The following RBM26 variants were observed in gnomAD, a reference collection of about 807,000 sequenced individuals.
RBM26 encodes the protein RNA-binding protein 26.
In RBM26, 30 loss-of-function variants were observed where a neutral mutation model predicts 123.6. The observed-to-expected ratio is 0.24, with a 90% CI of 0.18 to 0.33. The LOEUF is 0.33. Ranked by LOEUF, RBM26 falls within the 10% of genes least tolerant of loss-of-function variation. RBM26 has a pLI of 1.00. For synonymous variants in RBM26, 400 were observed against 404.4 expected (o/e 0.99, Z 0.13); for missense variants, 947 against 1,203.6 (o/e 0.79, Z 3.15).
intron 17 of RBM26, among the ~76,000 whole-genome samples, chr13:79,341,626 G>A (rs190095082): frequency 6.6e-6 from 1 of 151,834 alleles, no homozygotes; most frequent in Non-Finnish European, 1.5e-5. Flanking sequence ...GAAAAACTAG[G>A]ATAAACCACA....
chr13:79,358,539 C>T lies in RBM26; in HGVS notation c.1530-106G>A, dbSNP rs1318396004. On this transcript the variant is annotated intron_variant, in intron 10 of 21. Coordinates refer to ENST00000438737, the MANE Select transcript of RBM26 (RefSeq NM_001366735.2). The stretch of plus-strand genomic sequence containing the variant: ...TAGATATCCAATTAAGTTCAATTTT[C>T]CCCCAAACTGAAATTACTGGTTGAT... 4.5e-6 allele frequency: 4 copies of T among 881,716 alleles called. No homozygotes were observed. The East Asian group carries it at 8.3e-5, about 18-fold the overall frequency. The allele number at this position is 881,716 out of a possible 1,614,324, so 54.6% of individuals were successfully genotyped here.
chr13:79,320,453 T>C lies in RBM26; in HGVS notation c.*168A>G. Reference sequence around the variant, plus strand: ...GAAGTAAAATGCAAACATCAATCTTTCAAAATACAAGATCAGAAGGTAGTT... The same window carrying C: ...GAAGTAAAATGCAAACATCAATCTTCCAAAATACAAGATCAGAAGGTAGTT... On this transcript the variant is annotated 3_prime_UTR_variant, in exon 22 of 22. Transcript: ENST00000438737. 8.0e-7 allele frequency: 1 copy of C among 1,248,802 alleles called. No homozygotes were observed. The highest frequency in any genetic ancestry group is 3.2e-5 in the East Asian group (1 of 31,474). 77.4% of individuals were successfully genotyped at this position (1,248,802 alleles called of 1,614,324 possible). A position where few individuals can be genotyped will look rare whatever the true frequency, so the allele number is the denominator to read the frequency against.
intron 20 of RBM26, among the ~76,000 whole-genome samples, chr13:79,328,580 T>C (rs1341117535): frequency 6.7e-6 from 1 of 148,824 alleles, no homozygotes; most frequent in East Asian, 2.0e-4. Flanking sequence ...AAAGATTAAC[T>C]GGACAATTAA....
chr13:79,344,573 T>C (rs998010160), intron 15 of RBM26, 96 bp downstream of exon 15: 2 of 1,135,258 alleles, frequency 1.8e-6, no homozygotes, highest in Non-Finnish European at 2.5e-6. Flanking sequence ...CAAACACCCT[T>C]GTAGTCTTAT....
chr13:79,372,912 CATATTTTATATAA>C (rs1566503151), intron 3 of RBM26, among the ~76,000 whole-genome samples: 8,392 of 64,206 alleles, frequency 0.13, 2,127 homozygotes, highest in South Asian at 0.22. Context: ...TTATATATTA[CATATTTTATATAA>C]TATATAAGAT....
At chr13:79,368,632 A>T in intron 6 of RBM26, 98 bp downstream of exon 6, 1 of 1,187,948 alleles carries the variant, frequency 8.4e-7, no homozygotes, top group Non-Finnish European at 1.2e-6. Context: ...CCCACTTTTC[A>T]GAGGTAAGTC....
chr13:79,375,179 A>AT (rs201481150), intron 3 of RBM26, among the ~76,000 whole-genome samples: 2,526 of 133,154 alleles, frequency 0.019, 82 homozygotes, highest in African/African-American at 0.071. Flanking sequence ...ATATATATAT[A>AT]TTTTTTTTTT....
Position 79,319,894 on chromosome 13 carries a change from T to G in RBM26, c.*727A>C. 1 of 964,152 alleles carries G rather than the reference T, an allele frequency of 1.0e-6. No individual in the cohort carries two copies. Among genetic ancestry groups the G allele is most frequent in the Non-Finnish European group, 1.2e-6 (1 of 812,058 alleles). The allele number at this position is 964,152 out of a possible 1,614,324, so 59.7% of individuals were successfully genotyped here. A position where few individuals can be genotyped will look rare whatever the true frequency, so the allele number is the denominator to read the frequency against. On this transcript the variant is annotated 3_prime_UTR_variant, in exon 22 of 22. Transcript: ENST00000438737. ...CATCTGGAATGGTCTATTTTAATTT[T>G]TTTCTTTTCTTTTTTCTTTTCTTTT...
intron 1 of RBM26, among the ~76,000 whole-genome samples, chr13:79,405,434 C>G (rs1290440898): frequency 6.6e-6 from 1 of 151,918 alleles, no homozygotes; most frequent in Non-Finnish European, 1.5e-5. Flanking sequence ...TTTTGAGGCC[C>G]CCGGAAAATA....
chr13:79,341,018 AACAATT>A, intron 18 of RBM26, 99 bp downstream of exon 18: 1 of 618,010 alleles, frequency 1.6e-6, no homozygotes, highest in Non-Finnish European at 2.7e-6. Context: ...AGGGATTACC[AACAATT>A]ACTAATGAGA....
chr13:79,388,923 G>T (rs1055416788), intron 1 of RBM26, among the ~76,000 whole-genome samples: 2 of 151,848 alleles, frequency 1.3e-5, no homozygotes, highest in African/African-American at 2.4e-5. Flanking sequence ...ACCTGTTATT[G>T]CATTTATAAC....
intron 1 of RBM26, among the ~76,000 whole-genome samples, chr13:79,384,936 T>C (rs939154049): frequency 6.6e-6 from 1 of 152,174 alleles, no homozygotes; most frequent in African/African-American, 2.4e-5. Flanking sequence ...TCTTGGAGAC[T>C]TTAGAAATTC....
chr13:79,315,770 T>C (rs1043633574), downstream of RBM26, among the ~76,000 whole-genome samples: 60 of 152,042 alleles, frequency 3.9e-4, no homozygotes, highest in African/African-American at 1.4e-3. Context: ...TTTGATGTTT[T>C]TCATTAGCAA....
chr13:79,337,434 A>G, intron 18 of RBM26, 132 bp from the exon 19 acceptor site: 1 of 1,052,180 alleles, frequency 9.5e-7, no homozygotes, highest in Non-Finnish European at 1.4e-6. Context: ...AAAGGATCAC[A>G]TAATTTAAAT....
At chr13:79,334,777 C>T (rs1224391217) in intron 19 of RBM26, among the ~76,000 whole-genome samples, 1 of 152,066 alleles carries the variant, frequency 6.6e-6, no homozygotes, top group Non-Finnish European at 1.5e-5. Flanking sequence ...TAAACTCTTT[C>T]TTAAGCAACA....
intron 9 of RBM26, 89 bp downstream of exon 9, chr13:79,365,489 C>A: frequency 9.8e-7 from 1 of 1,021,400 alleles, no homozygotes. Context: ...TATCCAACCC[C>A]AATAAAGGCA....
chr13:79,316,899 C>A (rs1347472623), downstream of RBM26, among the ~76,000 whole-genome samples: 2 of 151,684 alleles, frequency 1.3e-5, no homozygotes, highest in African/African-American at 2.4e-5. Context: ...TGCAGCCCAG[C>A]TCTGTACTAA....
chr13:79,379,371 CAAAAAAAAAAAAAA>C (rs1160901778), intron 1 of RBM26, among the ~76,000 whole-genome samples: 2 of 79,442 alleles, frequency 2.5e-5, no homozygotes, highest in African/African-American at 1.0e-4. Flanking sequence ...CAGTCTCTAC[CAAAAAAAAAAAAAA>C]AAAAAAAAAA....
downstream of RBM26, chr13:79,314,825 A>T (rs755068046): frequency 1.2e-5 from 5 of 404,358 alleles, no homozygotes; most frequent in Non-Finnish European, 2.3e-5. Flanking sequence ...CTCTTAGAGA[A>T]CTGTAGAGAT....
Sources: allele counts gnomAD v4.1 joint callset (sites outside exome capture counted in the v4.1 genomes callset), GRCh38; gene constraint gnomAD v4.1.1; transcripts MANE v1.5; gene names NCBI Gene and HGNC (gene_info 2026-07-23, HGNC 2026-07-21).